LRRN2: variants seen among roughly 807,000 people sequenced by gnomAD.
LRRN2 encodes the protein leucine-rich repeat neuronal protein 2.
LRRN2 carries 10 observed loss-of-function variants against 35.7 expected under a neutral mutation model. The ratio of observed to expected loss-of-function variants is 0.28; its 90% CI spans 0.17 to 0.47. The LOEUF (loss-of-function observed/expected upper bound fraction) is 0.47, where lower values mean the gene tolerates loss of function less well. Among genes scored for constraint, LRRN2 ranks in the 20% least tolerant of loss-of-function variants. LRRN2 has a pLI of 0.99. For missense variants in LRRN2, 731 were observed against 940.3 expected (o/e 0.78, Z 2.91); for synonymous variants, 391 against 409.6 (o/e 0.95, Z 0.55).
rs74138512 is a variant in LRRN2, at chr1:204,660,953, C to T, written c.-227+24367G>A. Among the ~76,000 whole-genome samples, 1,386 of 152,254 alleles carry T rather than the reference C, an allele frequency of 9.1e-3. 10 individuals carry two copies. Among genetic ancestry groups the T allele is most frequent in the Non-Finnish European group, 0.013 (910 of 68,024 alleles). On this transcript the variant is annotated intron_variant, in intron 1 of 1. Transcript: ENST00000367177. ...AGGTCCTCCACAGCAGCATTGGTGA[C>T]GGCTCCTGGGCCTCTGGAAGCACTA...
chr1:204,624,403 G>A (rs879678981), intron 1 of LRRN2, among the ~76,000 whole-genome samples: 5 of 152,200 alleles, frequency 3.3e-5, no homozygotes, highest in African/African-American at 4.8e-5. Context: ...AGGGACAGGA[G>A]ACAAAAGCCC....
rs764448029 is a variant in LRRN2 at position 204,618,227 on chromosome 1, T to C, written c.1766A>G (p.Gln589Arg). ...THSYNITRLL[Q>R]ATEYWACLQV... ...CAGGCAGGCCCAGTACTCCGTGGCCTGAAGGAGGCGGGTAATGTTGTAGCT... is the reference window on the plus strand; with the variant it reads ...CAGGCAGGCCCAGTACTCCGTGGCCCGAAGGAGGCGGGTAATGTTGTAGCT... The change falls in exon 2 of 2, where the codon CAG (glutamine) becomes CGG (arginine). Residue 589 changes from glutamine (Q) to arginine (R), a missense_variant. Physicochemically the swap from Gln to Arg is conservative, Grantham distance 43. Around this residue, in one of 3 missense-constraint regions of LRRN2, gnomAD observed 229 missense variants for 258.4 expected, o/e 0.89. Transcript: ENST00000367177. 1 of 1,613,874 alleles carries C rather than the reference T, an allele frequency of 6.2e-7. No individual in the cohort carries two copies. The highest frequency in any genetic ancestry group is 1.1e-5 in the South Asian group (1 of 91,040).
At chr1:204,677,599 C>T (rs1189651494) in intron 1 of LRRN2, among the ~76,000 whole-genome samples, 1 of 152,188 alleles carries the variant, frequency 6.6e-6, no homozygotes, top group Non-Finnish European at 1.5e-5. Context: ...AGAAGAGAAG[C>T]TGCTGCAGCC....
chr1:204,685,722 C>T lies in LRRN2; in HGVS notation c.-629G>A, dbSNP rs997831803. ...CGCTCGCCCTCCTCACTCGCTTCTC[C>T]GCCGCTCTCCCAACCTCCCCAGCCC... is the stretch of plus-strand genomic sequence containing the variant. On this transcript the variant is annotated 5_prime_UTR_variant, in exon 1 of 2. Transcript: ENST00000367177. The T allele has an allele frequency of 6.6e-6, 1 of 152,398 alleles. No homozygotes were observed. The highest frequency in any genetic ancestry group is 1.5e-5 in the Non-Finnish European group (1 of 68,200). 9.4% of individuals were successfully genotyped at this position (152,398 alleles called of 1,614,324 possible). A position where few individuals can be genotyped will look rare whatever the true frequency, so the allele number is the denominator to read the frequency against.
In LRRN2 at chr1:204,644,101, A is replaced by G. The variant is rs531247208; in HGVS notation, c.-226-23883T>C. On this transcript the variant is annotated intron_variant, in intron 1 of 1. Coordinates refer to ENST00000367177, the MANE Select transcript of LRRN2 (RefSeq NM_201630.2). ...CATGGGCAGGGACATGCATGCCTCT[A>G]CCCATCTGCTGTACCACTGCAATAT... 2.6e-5 allele frequency among the ~76,000 whole-genome samples: 4 copies of G among 152,188 alleles called. No individual in the cohort carries two copies. The East Asian group carries it at 5.8e-4, about 22-fold the overall frequency.
chr1:204,670,169 A>T (rs1668676882), intron 1 of LRRN2, among the ~76,000 whole-genome samples: 1 of 152,036 alleles, frequency 6.6e-6, no homozygotes. Context: ...GGCTGTGGAG[A>T]TGGGGAGGAG....
intron 1 of LRRN2, 31 bp from the exon 2 acceptor site, chr1:204,620,249 T>C (rs1666781788): frequency 7.1e-7 from 1 of 1,398,962 alleles, no homozygotes; most frequent in Non-Finnish European, 9.4e-7. Flanking sequence ...GTTAAGGAGG[T>C]TGCAGAGAAG....
At chr1:204,640,924 G>T (rs11802889) in intron 1 of LRRN2, among the ~76,000 whole-genome samples, 1 of 151,840 alleles carries the variant, frequency 6.6e-6, no homozygotes, top group Non-Finnish European at 1.5e-5. Context: ...CAGCATTTGA[G>T]GGTTTGGCAT....
intron 1 of LRRN2, among the ~76,000 whole-genome samples, chr1:204,632,689 T>C (rs1667736696): frequency 6.7e-6 from 1 of 150,180 alleles, no homozygotes; most frequent in Non-Finnish European, 1.5e-5. Flanking sequence ...CCCAGCACTT[T>C]GGGAGGCCGA....
At position 204,677,285 on chromosome 1, in the gene LRRN2, G is replaced by A. The variant is rs151267590; in HGVS notation, c.-227+8035C>T. Among the ~76,000 whole-genome samples the A allele has an allele frequency of 1.3e-4, 20 of 152,302 alleles. No individual in the cohort carries two copies. In the East Asian group the frequency reaches 1.5e-3, roughly 12 times the overall value. ...CCAGGGGGTTGTGCTGGGGTACAGC[G>A]GGTGTGCCCCCCTTTCTCATGGGGG... On this transcript the variant is annotated intron_variant, in intron 1 of 1. Coordinates refer to ENST00000367177, the MANE Select transcript of LRRN2 (RefSeq NM_201630.2).
chr1:204,620,943 G>T (rs940735592), intron 1 of LRRN2: 1 of 166,820 alleles, frequency 6.0e-6, no homozygotes, highest in African/African-American at 2.4e-5. Context: ...GGTGGGAGGT[G>T]GGTGAGGGTT....
At chr1:204,683,275 G>A (rs902962357) in intron 1 of LRRN2, among the ~76,000 whole-genome samples, 8 of 152,200 alleles carry the variant, frequency 5.3e-5, no homozygotes, top group East Asian at 1.9e-4. Flanking sequence ...GTGCGTGCAC[G>A]CCTGGCTTAC....
chr1:204,665,034 A>G (rs1011934729), intron 1 of LRRN2, among the ~76,000 whole-genome samples: 2 of 151,952 alleles, frequency 1.3e-5, no homozygotes, highest in African/African-American at 4.8e-5. Context: ...CTCTACCCCA[A>G]TACTGGCCCC....
intron 1 of LRRN2, among the ~76,000 whole-genome samples, chr1:204,681,792 T>C (rs1668962700): frequency 6.6e-6 from 1 of 152,256 alleles, no homozygotes; most frequent in Non-Finnish European, 1.5e-5. Context: ...GATAAAGGCA[T>C]CTTTCTGACT....
intron 1 of LRRN2, among the ~76,000 whole-genome samples, chr1:204,683,225 G>T (rs6695191): frequency 0.014 from 2,206 of 152,298 alleles, 47 homozygotes; most frequent in Middle Eastern, 0.048. Context: ...ATGCAGCAAA[G>T]TCAACAGTGC....
Position 204,619,264 on chromosome 1 carries a change from G to A in LRRN2, c.729C>T (p.Ser243=), listed in dbSNP as rs1366088017. The change falls in exon 2 of 2, where the codon TCC becomes TCT. Residue 243 remains serine (S), a synonymous_variant. Coordinates refer to ENST00000367177, the MANE Select transcript of LRRN2 (RefSeq NM_201630.2). Reference sequence around the variant, plus strand: ...CCCGGGCCAGCTGGTTGTCATAGAAGGAGAGGCTCTCCAGGCTTTGCAGCC... The same window carrying A: ...CCCGGGCCAGCTGGTTGTCATAGAAAGAGAGGCTCTCCAGGCTTTGCAGCC... ...LEGLQSLESL[S]FYDNQLARVP... 1 of 1,614,180 alleles carries A rather than the reference G, an allele frequency of 6.2e-7. No homozygotes were observed. The highest frequency in any genetic ancestry group is 2.2e-5 in the East Asian group (1 of 44,878).
In LRRN2 at chr1:204,618,540, G is replaced by A. The variant is rs1407200785; in HGVS notation, c.1453C>T (p.Arg485Trp). 3.1e-6 allele frequency: 5 copies of A among 1,613,972 alleles called. No homozygotes were observed. The highest frequency in any genetic ancestry group is 1.1e-5 in the South Asian group (1 of 91,084). The change falls in exon 2 of 2, where the codon CGG (arginine) becomes TGG (tryptophan). Residue 485 changes from arginine to tryptophan, a missense_variant. Physicochemically the swap from Arg to Trp is moderately radical, Grantham distance 101. Coordinates refer to ENST00000367177, the MANE Select transcript of LRRN2 (RefSeq NM_201630.2). ...RVYPEGTLEL[R>W]RVTAEEAGLY... ...CCTGCCTCTTCTGCTGTCACCCTCC[G>A]CAGCTCCAGGGTCCCCTCGGGGTAC...
At chr1:204,656,623 G>A (rs1668362337) in intron 1 of LRRN2, among the ~76,000 whole-genome samples, 1 of 152,156 alleles carries the variant, frequency 6.6e-6, no homozygotes, top group Non-Finnish European at 1.5e-5. Context: ...TCTTTATTGA[G>A]CCTCCATATC....
At chr1:204,638,402 CTTTT>C (rs971289134) in intron 1 of LRRN2, among the ~76,000 whole-genome samples, 10 of 71,676 alleles carry the variant, frequency 1.4e-4, no homozygotes, top group East Asian at 1.2e-3. Context: ...CAAGGTCTTC[CTTTT>C]TTTTTTTTTT....
Sources: gnomAD v4.1 joint callset for allele counts (sites outside exome capture counted in the v4.1 genomes callset) on GRCh38, gnomAD v4.1.1 for gene constraint, gnomAD v4.1.1 regional missense constraint, MANE v1.5 for transcripts, NCBI Gene and HGNC (gene_info 2026-07-23, HGNC 2026-07-21) for gene names.